The following LPIN1 variants were observed in gnomAD, a reference collection of about 807,000 sequenced individuals.
LPIN1 encodes the protein lipin 1.
Under a neutral mutation model 107.5 loss-of-function variants are expected in LPIN1, and 71 were observed. That is an observed-to-expected ratio of 0.66 (90% CI 0.55 to 0.80). The LOEUF is 0.80. Among genes scored for constraint, LPIN1 ranks in the 30% least tolerant of loss-of-function variants. LPIN1 has a pLI of 0.00. For synonymous variants in LPIN1, 445 were observed against 452.6 expected, an observed-to-expected ratio of 0.98 and a Z score of 0.21; for missense variants, 1,043 against 1,160.6, an observed-to-expected ratio of 0.90 and a Z score of 1.47.
rs912746252 is a variant in LPIN1, at chr2:11,697,614, G to C, written c.82-16142G>C. On this transcript the variant is annotated intron_variant, in intron 1 of 21. Coordinates refer to the LPIN1 transcript ENST00000449576. This position sits in a 1 kb window ranked among gnomAD's most constrained non-coding sequence, Gnocchi z 4.6. Reference sequence around the variant, plus strand: ...CTTGCCTGCCACTGGTAGTGACCTGGCCTGGGGACAGGGAAAGGACGCCCA... The same window carrying C: ...CTTGCCTGCCACTGGTAGTGACCTGCCCTGGGGACAGGGAAAGGACGCCCA... Among the ~76,000 whole-genome samples, 47 of 152,234 alleles carry C rather than the reference G, an allele frequency of 3.1e-4. No homozygotes were observed. The highest frequency in any genetic ancestry group is 9.6e-4 in the African/African-American group (40 of 41,462).
chr2:11,769,527 T>G (rs1337600787), intron 3 of LPIN1, among the ~76,000 whole-genome samples: 1 of 152,230 alleles, frequency 6.6e-6, no homozygotes, highest in East Asian at 1.9e-4. Flanking sequence ...TTGGGTGGGT[T>G]CTCTTTTCAC....
intron 6 of LPIN1, among the ~76,000 whole-genome samples, chr2:11,777,812 A>G (rs1407973250): frequency 1.3e-5 from 2 of 152,202 alleles, no homozygotes; most frequent in African/African-American, 4.8e-5. Flanking sequence ...ATAGCCAAAT[A>G]TGTTCTATTT....
chr2:11,766,700 C>G (rs1186491274), intron 2 of LPIN1, among the ~76,000 whole-genome samples: 1 of 152,158 alleles, frequency 6.6e-6, no homozygotes, highest in Non-Finnish European at 1.5e-5. Context: ...GAAGGGAAAA[C>G]CCTCAGGGCA....
chr2:11,701,598 A>G (rs10929766), intron 1 of LPIN1, among the ~76,000 whole-genome samples: 28,228 of 152,224 alleles, frequency 0.19, 3,300 homozygotes, highest in South Asian at 0.26. Context: ...ACATTACTGA[A>G]TGCATACTAT....
At chr2:11,759,190 T>TTTC (rs1553418553) in intron 1 of LPIN1, among the ~76,000 whole-genome samples, 20 of 122,830 alleles carry the variant, frequency 1.6e-4, no homozygotes, top group African/African-American at 5.5e-4. Flanking sequence ...TCTTTCTTTC[T>TTTC]TTTCTTTCTT....
chr2:11,783,343 T>A (rs1161912981), intron 8 of LPIN1, among the ~76,000 whole-genome samples: 1 of 152,170 alleles, frequency 6.6e-6, no homozygotes, highest in African/African-American at 2.4e-5. Context: ...CGTTTAGTGC[T>A]CAGTACACTT....
intron 1 of LPIN1, among the ~76,000 whole-genome samples, chr2:11,702,140 A>G (rs1662905046): frequency 6.6e-6 from 1 of 152,220 alleles, no homozygotes; most frequent in African/African-American, 2.4e-5. Context: ...ACGCCACGTC[A>G]CACAAGGCCA....
intron 15 of LPIN1, 110 bp from the exon 16 acceptor site, chr2:11,804,313 G>C: frequency 8.5e-7 from 1 of 1,178,140 alleles, no homozygotes. Context: ...GCCCAGGGCA[G>C]TCACTTGTTT....
At chr2:11,708,867 A>G (rs1663262891) in intron 1 of LPIN1, among the ~76,000 whole-genome samples, 1 of 152,130 alleles carries the variant, frequency 6.6e-6, no homozygotes, top group Admixed American at 6.5e-5. Context: ...ACGAATATAT[A>G]TTGAGCACTT....
At chr2:11,692,979 T>G (rs1236197615) in intron 1 of LPIN1, among the ~76,000 whole-genome samples, 2 of 152,090 alleles carry the variant, frequency 1.3e-5, no homozygotes, top group Admixed American at 1.3e-4. Context: ...AGAAATATTA[T>G]TTTTGGGTAG....
intron 1 of LPIN1, among the ~76,000 whole-genome samples, chr2:11,750,308 C>T (rs1667597849): frequency 6.6e-6 from 1 of 152,160 alleles, no homozygotes; most frequent in Non-Finnish European, 1.5e-5. Context: ...AAAACAATGT[C>T]CCACCATTGG....
At chr2:11,776,878 C>T (rs779168349) in intron 6 of LPIN1, among the ~76,000 whole-genome samples, 23 of 152,140 alleles carry the variant, frequency 1.5e-4, no homozygotes, top group East Asian at 9.6e-4. Context: ...TTAATTTGTA[C>T]GTGGAAAACC....
In LPIN1 at chr2:11,735,267, G is replaced by A. The variant is rs549088441; in HGVS notation, c.-71-6082G>A. Among the ~76,000 whole-genome samples, 10 of 151,226 alleles carry A rather than the reference G, an allele frequency of 6.6e-5. No homozygotes were observed. The East Asian group carries it at 1.6e-3, about 23-fold the overall frequency. ...AGATTGTGCCACTGCACTCCAGCCCGGCTGACAGAGTAAGACTCTGTCTCA... is the reference window on the plus strand; with the variant it reads ...AGATTGTGCCACTGCACTCCAGCCCAGCTGACAGAGTAAGACTCTGTCTCA... On this transcript the variant is annotated intron_variant, in intron 1 of 21. Transcript: ENST00000396097.
intron 11 of LPIN1, among the ~76,000 whole-genome samples, chr2:11,787,769 G>A (rs891060531): frequency 2.6e-5 from 4 of 151,704 alleles, no homozygotes; most frequent in Non-Finnish European, 4.4e-5. Flanking sequence ...GTGAAACCCC[G>A]TCTCTACTAA....
chr2:11,730,013 A>AG (rs2148544573), intron 1 of LPIN1, among the ~76,000 whole-genome samples: 1 of 152,182 alleles, frequency 6.6e-6, no homozygotes, highest in South Asian at 2.1e-4. Context: ...TAATTTATTT[A>AG]GGCTATTATT....
At chr2:11,788,078 G>A (rs149216168) in intron 11 of LPIN1, among the ~76,000 whole-genome samples, 1 of 152,170 alleles carries the variant, frequency 6.6e-6, no homozygotes, top group African/African-American at 2.4e-5. Context: ...TTGACACGTG[G>A]CAAGAAATAC....
intron 2 of LPIN1, among the ~76,000 whole-genome samples, chr2:11,717,885 A>G (rs1663859667): frequency 6.6e-6 from 1 of 152,110 alleles, no homozygotes; most frequent in African/African-American, 2.4e-5. Flanking sequence ...ATGTCCAGAG[A>G]CCTTGTTCTT....
chr2:11,744,432 T>A (rs548201576), upstream of LPIN1, among the ~76,000 whole-genome samples: 1 of 152,208 alleles, frequency 6.6e-6, no homozygotes, highest in Non-Finnish European at 1.5e-5. Flanking sequence ...TGCTTGTTTA[T>A]ACAAAAGGCT....
chr2:11,692,441 TG>T (rs1662320108), intron 1 of LPIN1, among the ~76,000 whole-genome samples: 1 of 152,242 alleles, frequency 6.6e-6, no homozygotes, highest in South Asian at 2.1e-4. Flanking sequence ...TAGAAACTCC[TG>T]GGAGCTTTGC....
Sources: gnomAD v4.1 joint callset for allele counts (sites outside exome capture counted in the v4.1 genomes callset) on GRCh38, gnomAD v4.1.1 for gene constraint, Gnocchi (gnomAD v3.1) non-coding constraint, MANE v1.5 for transcripts, NCBI Gene and HGNC (gene_info 2026-07-23, HGNC 2026-07-21) for gene names.